ACER3: variants seen among roughly 807,000 people sequenced by gnomAD.
ACER3 encodes alkCDase 3.
Under a neutral mutation model 48.9 loss-of-function variants are expected in ACER3, and 16 were observed. The ratio of observed to expected loss-of-function variants is 0.33; its 90% CI spans 0.22 to 0.50. The LOEUF (loss-of-function observed/expected upper bound fraction) is 0.50. ACER3 is among the 20% of genes least tolerant of loss of function. The pLI is 0.98. For missense variants in ACER3, 227 were observed against 326.0 expected (o/e 0.70, Z 2.34); for synonymous variants, 109 against 107.8 (o/e 1.01, Z -0.07).
At chr11:76,932,117 T>G (rs893024337) in intron 2 of ACER3, among the ~76,000 whole-genome samples, 3 of 151,942 alleles carry the variant, frequency 2.0e-5, no homozygotes, top group Admixed American at 6.6e-5. Context: ...CCTGGCTAAT[T>G]TTTGTATTTT....
chr11:76,995,368 C>T (rs1467559532), intron 6 of ACER3, among the ~76,000 whole-genome samples: 1 of 152,174 alleles, frequency 6.6e-6, no homozygotes, highest in African/African-American at 2.4e-5. Context: ...GTTAACTTAG[C>T]AGAGAGGCCT....
intron 3 of ACER3, among the ~76,000 whole-genome samples, chr11:76,967,722 C>T (rs1011913451): frequency 4.6e-5 from 7 of 152,172 alleles, no homozygotes; most frequent in African/African-American, 1.7e-4. Flanking sequence ...GCAGCAAAGG[C>T]CTTTGACAAA....
intron 2 of ACER3, chr11:76,955,422 C>G: frequency 6.6e-6 from 1 of 152,514 alleles, no homozygotes; most frequent in Non-Finnish European, 1.5e-5. Flanking sequence ...GTGGCTTAAG[C>G]AACATACATT....
intron 3 of ACER3, among the ~76,000 whole-genome samples, chr11:76,970,692 A>G (rs1178799444): frequency 6.6e-6 from 1 of 152,152 alleles, no homozygotes; most frequent in East Asian, 1.9e-4. Context: ...TTTTTAAAGT[A>G]TAACTTACTT....
chr11:76,868,093 A>G (rs1461806217), intron 1 of ACER3: 28 of 1,288,854 alleles, frequency 2.2e-5, no homozygotes, highest in Admixed American at 9.2e-5. Flanking sequence ...GCCCTTTGCT[A>G]TATTTCTTTT....
chr11:76,933,173 C>CATATATATATATATATATATATATATAT (rs144524712), intron 2 of ACER3, among the ~76,000 whole-genome samples: 70 of 129,576 alleles, frequency 5.4e-4, no homozygotes, highest in Middle Eastern at 4.0e-3. Context: ...ATACGTATTT[C>CATATATATATATATATATATATATATAT]ATATATATAT....
At chr11:76,934,126 G>C (rs991271085) in intron 2 of ACER3, among the ~76,000 whole-genome samples, 1 of 151,352 alleles carries the variant, frequency 6.6e-6, no homozygotes, top group Non-Finnish European at 1.5e-5. Flanking sequence ...TTCCTAGATG[G>C]GAGGGCGGCC....
chr11:76,982,967 C>T (rs1948616775), intron 4 of ACER3, among the ~76,000 whole-genome samples: 1 of 152,208 alleles, frequency 6.6e-6, no homozygotes, highest in South Asian at 2.1e-4. Context: ...TATCCTCATA[C>T]TGTCTAGTTA....
At chr11:76,972,287 G>A (rs1948326492) in intron 3 of ACER3, among the ~76,000 whole-genome samples, 1 of 151,996 alleles carries the variant, frequency 6.6e-6, no homozygotes, top group Admixed American at 6.6e-5. Flanking sequence ...CCATCTTGTG[G>A]GTATGAAGTA....
At chr11:77,001,108 T>C (rs562701182) in intron 7 of ACER3, among the ~76,000 whole-genome samples, 46 of 152,330 alleles carry the variant, frequency 3.0e-4, no homozygotes, top group African/African-American at 1.1e-3. Flanking sequence ...GTTTTCAATT[T>C]TTTAAGCAGT....
chr11:76,994,494 G>C (rs1035234305), intron 6 of ACER3, among the ~76,000 whole-genome samples: 3 of 152,212 alleles, frequency 2.0e-5, no homozygotes, highest in African/African-American at 7.2e-5. Flanking sequence ...TCAAACTTCT[G>C]ACCTCAAGTG....
chr11:76,952,560 T>A (rs1326168532), intron 2 of ACER3, among the ~76,000 whole-genome samples: 3 of 151,604 alleles, frequency 2.0e-5, no homozygotes, highest in African/African-American at 7.3e-5. Context: ...GCCCAGCTAC[T>A]ATACTATTCT....
chr11:76,959,114 G>C, intron 3 of ACER3, 83 bp downstream of exon 3: 1 of 1,602,200 alleles, frequency 6.2e-7, no homozygotes, highest in Non-Finnish European at 8.5e-7. Flanking sequence ...CATAACTATG[G>C]CTAAAAGATG....
Position 77,020,309 on chromosome 11 carries a change from G to A in ACER3, c.786G>A (p.Glu262=), listed in dbSNP as rs201953460. 1.1e-4 allele frequency: 170 copies of A among 1,613,526 alleles called. No individual in the cohort carries two copies. The highest frequency in any genetic ancestry group is 1.4e-4 in the Non-Finnish European group (162 of 1,179,938). ...GAATCTGGCCAGTGATCCTGTTTGA[G>A]CCTCTCAGGAAGCATTGATGAATCA... is the stretch of plus-strand genomic sequence containing the variant. The part of the protein sequence containing the change: ...LFGIWPVILF[E]PLRKH Residue 262 remains glutamate (E), a synonymous_variant, in exon 11 of 11, where the codon GAG becomes GAA. Coordinates refer to ENST00000532485, the MANE Select transcript of ACER3 (RefSeq NM_018367.7).
intron 1 of ACER3, among the ~76,000 whole-genome samples, chr11:76,913,043 A>G (rs1942348344): frequency 6.6e-6 from 1 of 152,190 alleles, no homozygotes; most frequent in Non-Finnish European, 1.5e-5. Context: ...GAAGAAAGCA[A>G]AAAAACAATG....
chr11:76,962,612 G>C (rs377631323), intron 3 of ACER3, among the ~76,000 whole-genome samples: 2 of 151,490 alleles, frequency 1.3e-5, no homozygotes, highest in South Asian at 4.1e-4. Flanking sequence ...CCAAACAGCA[G>C]TGGACCTCTA....
intron 1 of ACER3, among the ~76,000 whole-genome samples, chr11:76,866,727 A>G (rs552135793): frequency 6.6e-6 from 1 of 152,354 alleles, no homozygotes; most frequent in Non-Finnish European, 1.5e-5. Context: ...AGAGAAGGAC[A>G]CTGAGTCTTG....
chr11:77,001,559 T>C (rs1165178032), intron 7 of ACER3, among the ~76,000 whole-genome samples: 2 of 152,148 alleles, frequency 1.3e-5, no homozygotes, highest in African/African-American at 4.8e-5. Context: ...CTCGGCCCTG[T>C]AGATTTGTTT....
At chr11:76,996,398 CATTATTATTATT>C (rs113842907) in intron 6 of ACER3, among the ~76,000 whole-genome samples, 11 of 146,650 alleles carry the variant, frequency 7.5e-5, no homozygotes, top group African/African-American at 2.0e-4. Context: ...ATTGGCTTTC[CATTATTATTATT>C]ATTATTATTA....
Sources: gnomAD v4.1 joint callset for allele counts (sites outside exome capture counted in the v4.1 genomes callset) on GRCh38, gnomAD v4.1.1 for gene constraint, MANE v1.5 for transcripts, NCBI Gene and HGNC (gene_info 2026-07-23, HGNC 2026-07-21) for gene names.